Variants in PARD3 observed in about 807,000 individuals in gnomAD.
The protein encoded by PARD3 is par-3 family cell polarity regulator.
PARD3 carries 75 observed loss-of-function variants against 155.4 expected under a neutral mutation model. That is an observed-to-expected ratio of 0.48 (90% confidence interval 0.40 to 0.58). The LOEUF (loss-of-function observed/expected upper bound fraction) is 0.58. Ranked by LOEUF, PARD3 falls within the 20% of genes least tolerant of loss-of-function variation. The probability of loss-of-function intolerance (pLI) is 0.00; values close to 1 mark genes in which losing one functional copy is unlikely to be tolerated. For synonymous variants in PARD3, 576 were observed against 610.5 expected (o/e 0.94, Z 0.83); for missense variants, 1,642 against 1,721.7 (o/e 0.95, Z 0.82).
At chr10:34,422,507 G>A (rs2075368192) in intron 5 of PARD3, among the ~76,000 whole-genome samples, 1 of 151,004 alleles carries the variant, frequency 6.6e-6, no homozygotes, top group Non-Finnish European at 1.5e-5. Context: ...TGGAATAGAA[G>A]AAATATTTGG....
In PARD3 at chr10:34,727,722, C is replaced by A. The variant is rs75568084; in HGVS notation, c.121-31303G>T. On this transcript the variant is annotated intron_variant, in intron 1 of 24. Coordinates refer to ENST00000374788, the MANE Select transcript of PARD3 (RefSeq NM_001184785.2). ...CACACACTGTTGCCAGAATAACATT[C>A]CTCCAGCCCTGTTACGAAACCCCGG... Among the ~76,000 whole-genome samples the A allele has an allele frequency of 5.3e-3, 811 of 152,228 alleles. 8 individuals carry two copies. The highest frequency in any genetic ancestry group is 0.018 in the African/African-American group (728 of 41,524).
At chr10:34,424,337 T>C (rs2075475739) in intron 5 of PARD3, among the ~76,000 whole-genome samples, 1 of 152,162 alleles carries the variant, frequency 6.6e-6, no homozygotes, top group South Asian at 2.1e-4. Flanking sequence ...AATACATTCA[T>C]AATAATCTGT....
chr10:34,563,778 C>T (rs2085702035), intron 2 of PARD3, among the ~76,000 whole-genome samples: 1 of 152,144 alleles, frequency 6.6e-6, no homozygotes, highest in African/African-American at 2.4e-5. Context: ...ATCCGCCCGC[C>T]TTGGCCTCCC....
At chr10:34,755,420 A>G (rs1056875058) in intron 1 of PARD3, among the ~76,000 whole-genome samples, 3 of 151,368 alleles carry the variant, frequency 2.0e-5, no homozygotes, top group Non-Finnish European at 4.4e-5. Flanking sequence ...CTCAAAAAAA[A>G]TAACAGAAAA....
rs202053812 is a variant in PARD3, at chr10:34,381,912, C to CAA, written c.1399+626_1399+627dup. On this transcript the variant is annotated intron_variant, in intron 9 of 24. Transcript: ENST00000374788. ...TGGGCAACAAAGAAAGGCCCTGTCT[C>CAA]AAAAAAAAAAAAAAAAAAAAAAAAA... 2.3e-3 allele frequency among the ~76,000 whole-genome samples: 163 copies of CAA among 71,798 alleles called. 1 individual carries two copies. The highest frequency in any genetic ancestry group is 4.5e-3 in the African/African-American group (91 of 20,264). The allele number at this position is 71,798 out of a possible 152,430, so 47.1% of individuals were successfully genotyped here.
At chr10:34,190,376 GCA>G (rs1303293648) in intron 22 of PARD3, among the ~76,000 whole-genome samples, 6 of 151,958 alleles carry the variant, frequency 3.9e-5, no homozygotes, top group Admixed American at 1.3e-4. Flanking sequence ...TTTTTATTCT[GCA>G]CAGTTATTTA....
intron 2 of PARD3, among the ~76,000 whole-genome samples, chr10:34,529,856 T>A (rs1307467794): frequency 1.2e-4 from 18 of 152,032 alleles, no homozygotes; most frequent in Admixed American, 1.1e-3. Context: ...TGCCTCAGCC[T>A]CCTGTGAAGC....
intron 22 of PARD3, among the ~76,000 whole-genome samples, chr10:34,230,266 G>A (rs1322976177): frequency 6.6e-6 from 1 of 152,068 alleles, no homozygotes; most frequent in Non-Finnish European, 1.5e-5. Flanking sequence ...CCTGAGCAGG[G>A]AGAAACACAC....
At chr10:34,245,529 G>A (rs923266514) in intron 22 of PARD3, among the ~76,000 whole-genome samples, 1 of 151,986 alleles carries the variant, frequency 6.6e-6, no homozygotes, top group African/African-American at 2.4e-5. Context: ...GTGTGGACAC[G>A]TAAATGCTGT....
At chr10:34,709,180 CAA>C (rs142897196) in intron 1 of PARD3, among the ~76,000 whole-genome samples, 2,037 of 151,980 alleles carry the variant, frequency 0.013, 53 homozygotes, top group African/African-American at 0.046. Context: ...CAAATTTAAA[CAA>C]AAAAAGTCAT....
At chr10:34,527,355 G>T (rs1039808255) in intron 2 of PARD3, among the ~76,000 whole-genome samples, 1 of 152,160 alleles carries the variant, frequency 6.6e-6, no homozygotes, top group African/African-American at 2.4e-5. Context: ...CCCTTTACCT[G>T]CTGACTTCAC....
At chr10:34,185,714 G>A (rs929085709) in intron 22 of PARD3, among the ~76,000 whole-genome samples, 12 of 151,620 alleles carry the variant, frequency 7.9e-5, no homozygotes, top group Admixed American at 2.6e-4. Flanking sequence ...CCTCCTACTC[G>A]AGGCTTCATT....
At chr10:34,302,027 C>G (rs955219602) in intron 20 of PARD3, among the ~76,000 whole-genome samples, 17 of 151,976 alleles carry the variant, frequency 1.1e-4, no homozygotes, top group African/African-American at 3.9e-4. Context: ...TTTTAATTTT[C>G]TAAACACTGT....
intron 2 of PARD3, among the ~76,000 whole-genome samples, chr10:34,677,147 T>A (rs1306386909): frequency 6.6e-6 from 1 of 152,174 alleles, no homozygotes; most frequent in African/African-American, 2.4e-5. Context: ...TGATTTATTT[T>A]CAGTATTTCA....
At chr10:34,422,734 T>C (rs544708275) in intron 5 of PARD3, among the ~76,000 whole-genome samples, 7 of 152,298 alleles carry the variant, frequency 4.6e-5, no homozygotes. Flanking sequence ...CAGAATGACA[T>C]ATCACCTTCC....
chr10:34,336,607 A>T (rs1836217302), intron 17 of PARD3, among the ~76,000 whole-genome samples: 1 of 152,118 alleles, frequency 6.6e-6, no homozygotes, highest in South Asian at 2.1e-4. Context: ...AAGGTTTTAA[A>T]TCATTCAGTG....
At chr10:34,637,905 A>G (rs919411059) in intron 2 of PARD3, among the ~76,000 whole-genome samples, 21 of 152,170 alleles carry the variant, frequency 1.4e-4, no homozygotes, top group Non-Finnish European at 2.9e-5. Context: ...GTATACAAGC[A>G]TGTTTACACA....
chr10:34,558,585 C>T (rs1337505958), intron 2 of PARD3, among the ~76,000 whole-genome samples: 2 of 152,084 alleles, frequency 1.3e-5, no homozygotes, highest in African/African-American at 2.4e-5. Context: ...CCAAATATCC[C>T]CTTCCCAGAA....
At chr10:34,581,005 T>C (rs1352097476) in intron 2 of PARD3, among the ~76,000 whole-genome samples, 1 of 152,184 alleles carries the variant, frequency 6.6e-6, no homozygotes, top group Non-Finnish European at 1.5e-5. Flanking sequence ...TGAAGTGATA[T>C]TGTTTTCTTT....
Sources: allele counts gnomAD v4.1 joint callset (sites outside exome capture counted in the v4.1 genomes callset), GRCh38; gene constraint gnomAD v4.1.1; transcripts MANE v1.5; gene names NCBI Gene and HGNC (gene_info 2026-07-23, HGNC 2026-07-21).